Variants in EFEMP1 observed in about 807,000 individuals in gnomAD.
The protein encoded by EFEMP1 is EGF-like fibulin extracellular matrix protein 1.
In EFEMP1, 18 loss-of-function variants were observed where a neutral mutation model predicts 65.7. The ratio of observed to expected loss-of-function variants is 0.27; its 90% CI spans 0.19 to 0.41. EFEMP1 has a LOEUF of 0.41. Ranked by LOEUF, EFEMP1 falls within the 10% of genes least tolerant of loss-of-function variation. The pLI is 1.00. For missense variants in EFEMP1, 469 were observed against 624.8 expected (o/e 0.75, Z 2.66); for synonymous variants, 237 against 219.7 (o/e 1.08, Z -0.70).
intron 5 of EFEMP1, among the ~76,000 whole-genome samples, chr2:55,891,356 CAG>C (rs907260328): frequency 1.3e-5 from 2 of 152,152 alleles, no homozygotes; most frequent in Admixed American, 6.5e-5. Context: ...GCAAATATGA[CAG>C]AGTTTTAATA....
At chr2:55,884,137 T>A (rs1669343044) in intron 5 of EFEMP1, among the ~76,000 whole-genome samples, 1 of 152,186 alleles carries the variant, frequency 6.6e-6, no homozygotes. Context: ...ATATTTATCC[T>A]CTCCTTTGCT....
intron 7 of EFEMP1, 43 bp from the exon 8 acceptor site, chr2:55,876,785 T>A: frequency 8.3e-7 from 1 of 1,206,662 alleles, no homozygotes; most frequent in East Asian, 2.9e-5. Context: ...TATGTATATA[T>A]ATACACACAC....
intron 5 of EFEMP1, among the ~76,000 whole-genome samples, chr2:55,884,571 AG>A: frequency 6.6e-6 from 1 of 152,342 alleles, no homozygotes; most frequent in Non-Finnish European, 1.5e-5. Flanking sequence ...AGCCTTTTGT[AG>A]GTATCTCCAT....
chr2:55,909,308 A>C (rs1191317270), intron 5 of EFEMP1, among the ~76,000 whole-genome samples: 1 of 152,212 alleles, frequency 6.6e-6, no homozygotes, highest in Non-Finnish European at 1.5e-5. Flanking sequence ...GTTTAGACAG[A>C]GCTAAATGAA....
chr2:55,876,816 C>T lies in EFEMP1; in HGVS notation c.761-74G>A, dbSNP rs1669055354. ...CACACATATATATATAGACTTTAAACATATCCTTACTCTTTTGTACCTACG... is the reference window on the plus strand; with the variant it reads ...CACACATATATATATAGACTTTAAATATATCCTTACTCTTTTGTACCTACG... On this transcript the variant is annotated intron_variant, in intron 7 of 11. Coordinates refer to ENST00000355426, the MANE Select transcript of EFEMP1 (RefSeq NM_001039348.3). 4 of 916,006 alleles carry T rather than the reference C, an allele frequency of 4.4e-6. No homozygotes were observed. In the African/African-American group the frequency reaches 7.0e-5, roughly 16 times the overall value. 56.7% of individuals were successfully genotyped at this position (916,006 alleles called of 1,614,324 possible). A position where few individuals can be genotyped will look rare whatever the true frequency, so the allele number is the denominator to read the frequency against.
Position 55,923,565 on chromosome 2 carries a change from C to T in EFEMP1, c.-49+146G>A. 1.0e-6 allele frequency: 1 copy of T among 979,766 alleles called. No homozygotes were observed. The highest frequency in any genetic ancestry group is 1.2e-6 in the Non-Finnish European group (1 of 824,700). 60.7% of individuals were successfully genotyped at this position (979,766 alleles called of 1,614,324 possible). On this transcript the variant is annotated intron_variant, in intron 1 of 11. Coordinates refer to ENST00000355426, the MANE Select transcript of EFEMP1 (RefSeq NM_001039348.3). The surrounding 1 kb of genome is among the most constrained non-coding windows in gnomAD (Gnocchi z 5.3). ...CGCATTCCGAGGCTGCACACCTCCA[C>T]CTCCCTCTCTGCCCGAGACACCCTG...
chr2:55,880,577 G>A (rs749210918), intron 6 of EFEMP1, among the ~76,000 whole-genome samples: 3 of 152,220 alleles, frequency 2.0e-5, no homozygotes, highest in Admixed American at 6.5e-5. Flanking sequence ...ATGGAACTCA[G>A]TGTTGACATG....
chr2:55,898,087 C>G (rs1572824408), intron 5 of EFEMP1, among the ~76,000 whole-genome samples: 1 of 151,770 alleles, frequency 6.6e-6, no homozygotes, highest in Non-Finnish European at 1.5e-5. Flanking sequence ...CAGTCATACA[C>G]TACGATTAAC....
chr2:55,902,561 T>G (rs1372066415), intron 5 of EFEMP1, among the ~76,000 whole-genome samples: 1 of 152,218 alleles, frequency 6.6e-6, no homozygotes, highest in Admixed American at 6.5e-5. Context: ...GGCTGTGGCA[T>G]GAACCACAAT....
chr2:55,899,054 GTTC>G (rs1226308736), intron 5 of EFEMP1, among the ~76,000 whole-genome samples: 5 of 152,164 alleles, frequency 3.3e-5, no homozygotes, highest in African/African-American at 1.2e-4. Flanking sequence ...AGCCTGTCCT[GTTC>G]TTCTCAGGTT....
chr2:55,912,137 CT>C (rs1339859925), intron 5 of EFEMP1, among the ~76,000 whole-genome samples: 7 of 152,072 alleles, frequency 4.6e-5, no homozygotes, highest in Non-Finnish European at 7.4e-5. Flanking sequence ...ATTTTTCTTA[CT>C]GCTTAAAGTA....
Position 55,881,757 on chromosome 2 carries a change from A to G in EFEMP1, c.518-23T>C, listed in dbSNP as rs750868996. ...TGTCTGTCAGAGACATGCAACACAG[A>G]AAGAATTGTCAGTTGTGAAGATGTT... On this transcript the variant is annotated intron_variant, in intron 5 of 11. Coordinates refer to ENST00000355426, the MANE Select transcript of EFEMP1 (RefSeq NM_001039348.3). 8.7e-6 allele frequency: 14 copies of G among 1,613,748 alleles called. No homozygotes were observed. In the Admixed American group the frequency reaches 2.3e-4, roughly 27 times the overall value.
chr2:55,905,635 G>C (rs865830365), intron 5 of EFEMP1, among the ~76,000 whole-genome samples: 1 of 152,232 alleles, frequency 6.6e-6, no homozygotes, highest in Middle Eastern at 3.4e-3. Flanking sequence ...TTTTAGTAGA[G>C]ACAGGGTTTC....
At chr2:55,888,068 C>T (rs781107004) in intron 5 of EFEMP1, among the ~76,000 whole-genome samples, 3 of 152,092 alleles carry the variant, frequency 2.0e-5, no homozygotes, top group East Asian at 1.9e-4. Flanking sequence ...TGCATGTGAA[C>T]GACCAATCTG....
Position 55,920,624 on chromosome 2 carries a change from A to G in EFEMP1, c.81+1736T>C, listed in dbSNP as rs539055647. On this transcript the variant is annotated intron_variant, in intron 3 of 11. Transcript: ENST00000355426. Reference sequence around the variant, plus strand: ...GTATGGTAAATAGAGAAGACTTGCAATTTGTTTTAGGTATTTACTTCTAGA... The same window carrying G: ...GTATGGTAAATAGAGAAGACTTGCAGTTTGTTTTAGGTATTTACTTCTAGA... Among the ~76,000 whole-genome samples, 5 of 152,320 alleles carry G rather than the reference A, an allele frequency of 3.3e-5. No individual in the cohort carries two copies. The South Asian group carries it at 1.0e-3, about 32-fold the overall frequency.
At chr2:55,908,200 T>C (rs1367227) in intron 5 of EFEMP1, among the ~76,000 whole-genome samples, 2,183 of 152,294 alleles carry the variant, frequency 0.014, 162 homozygotes, top group Admixed American at 0.13. Context: ...AGAAGGATAA[T>C]TTCTAGCCAG....
chr2:55,902,498 C>T (rs3791662), intron 5 of EFEMP1, among the ~76,000 whole-genome samples: 61,263 of 152,054 alleles, frequency 0.4, 14,560 homozygotes, highest in African/African-American at 0.67. Flanking sequence ...TTATTTCCTG[C>T]GCACCAAAAT....
In EFEMP1 at chr2:55,883,004, C is replaced by A. The variant is rs1669302471; in HGVS notation, c.518-1270G>T. ...TTCTGTATTTTCAAGGAGGACTGCG[C>A]ATTTACACTATGCAGTATAATAATA... is the stretch of plus-strand genomic sequence containing the variant. On this transcript the variant is annotated intron_variant, in intron 5 of 11. Transcript: ENST00000355426. The surrounding 1 kb of genome is among the most constrained non-coding windows in gnomAD (Gnocchi z 4.5). Among the ~76,000 whole-genome samples the A allele has an allele frequency of 6.6e-6, 1 of 152,160 alleles. No homozygotes were observed. Among genetic ancestry groups the A allele is most frequent in the South Asian group, 2.1e-4 (1 of 4,820 alleles).
chr2:55,902,767 C>T (rs1670088746), intron 5 of EFEMP1, among the ~76,000 whole-genome samples: 1 of 152,146 alleles, frequency 6.6e-6, no homozygotes, highest in African/African-American at 2.4e-5. Context: ...ACAGAATGCA[C>T]CTGCATTCTT....
Sources: gnomAD v4.1 joint callset for allele counts (sites outside exome capture counted in the v4.1 genomes callset) on GRCh38, gnomAD v4.1.1 for gene constraint, Gnocchi (gnomAD v3.1) non-coding constraint, MANE v1.5 for transcripts, NCBI Gene and HGNC (gene_info 2026-07-23, HGNC 2026-07-21) for gene names.